HTR5A: variants seen among roughly 807,000 people sequenced by gnomAD.
HTR5A encodes 5-hydroxytryptamine receptor 5A.
In HTR5A, 21 loss-of-function variants were observed where a neutral mutation model predicts 24.3. The ratio of observed to expected loss-of-function variants is 0.86; its 90% CI spans 0.61 to 1.24. HTR5A has a LOEUF of 1.24. Ranked by LOEUF, HTR5A falls within the 50% of genes most tolerant of loss-of-function variation. The probability of loss-of-function intolerance (pLI) is 0.00; values close to 1 mark genes in which losing one functional copy is unlikely to be tolerated. For missense variants in HTR5A, 497 were observed against 489.5 expected (o/e 1.02, Z -0.15); for synonymous variants, 260 against 213.7 (o/e 1.22, Z -1.89).
Position 155,085,676 on chromosome 7 carries a change from A to G in HTR5A, c.*1189A>G, listed in dbSNP as rs1016173162. 1.3e-5 allele frequency: 2 copies of G among 152,222 alleles called. No homozygotes were observed. Among genetic ancestry groups the G allele is most frequent in the Non-Finnish European group, 1.5e-5 (1 of 68,042 alleles). 9.4% of individuals were successfully genotyped at this position (152,222 alleles called of 1,614,324 possible). ...AAAACTTAAAAAAAAATCCTAGGCA[A>G]TAAAACTGCCTGTGGTCTGCTATGT... is the stretch of plus-strand genomic sequence containing the variant. On this transcript the variant is annotated 3_prime_UTR_variant, in exon 2 of 2. Transcript: ENST00000287907.
intron 1 of HTR5A, among the ~76,000 whole-genome samples, chr7:155,081,004 T>G (rs932591811): frequency 6.6e-6 from 1 of 152,216 alleles, no homozygotes; most frequent in African/African-American, 2.4e-5. Context: ...TCATCCTTGA[T>G]TGACTGAAGA....
chr7:155,084,331 C>A lies in HTR5A; in HGVS notation c.918C>A (p.Leu306=), dbSNP rs1795451578. Residue 306 remains leucine, a synonymous_variant, in exon 2 of 2, where the codon CTC becomes CTA. Coordinates refer to ENST00000287907, the MANE Select transcript of HTR5A (RefSeq NM_024012.4). ...LCWIPFFLTE[L]ISPLCSCDIP... is the part of the protein sequence containing the mutation. ...GGATCCCCTTCTTTCTCACCGAGCT[C>A]ATCAGTCCCCTCTGCTCCTGTGACA... The A allele has an allele frequency of 6.2e-7, 1 of 1,614,042 alleles. No homozygotes were observed. The highest frequency in any genetic ancestry group is 1.1e-5 in the South Asian group (1 of 91,080).
intron 1 of HTR5A, among the ~76,000 whole-genome samples, chr7:155,073,877 G>GTTTATATATATATATGTGTGTA (rs1210393368): frequency 2.5e-4 from 2 of 8,008 alleles, no homozygotes; most frequent in Admixed American, 2.7e-3. Context: ...ATATATATAT[G>GTTTATATATATATATGTGTGTA]TATATATATA....
rs200887444 is a variant in HTR5A, at chr7:155,071,065, G to T, written c.166G>T (p.Ala56Ser). The change falls in exon 1 of 2, where the codon GCC becomes TCC. Residue 56 changes from alanine (A) to serine (S), a missense_variant. Ala to Ser is a moderately conservative substitution (Grantham distance 99). Coordinates refer to ENST00000287907, the MANE Select transcript of HTR5A (RefSeq NM_024012.4). The stretch of plus-strand genomic sequence containing the variant: ...GGGCTTTCTGGTGGCGGCGACGTTC[G>T]CCTGGAACCTGCTGGTGCTGGCGAC... The part of the protein sequence containing the change: ...LLGFLVAATF[A>S]WNLLVLATIL... The T allele has an allele frequency of 9.8e-5, 158 of 1,609,398 alleles. No homozygotes were observed. Among genetic ancestry groups the T allele is most frequent in the Non-Finnish European group, 2.7e-5 (32 of 1,180,024 alleles).
intron 1 of HTR5A, among the ~76,000 whole-genome samples, chr7:155,081,327 G>T (rs77606733): frequency 0.019 from 2,929 of 152,218 alleles, 54 homozygotes; most frequent in Non-Finnish European, 0.029. Flanking sequence ...AAGCAGAGTG[G>T]TTGGATGAAA....
intron 1 of HTR5A, among the ~76,000 whole-genome samples, chr7:155,076,829 G>A (rs1323988705): frequency 6.6e-6 from 1 of 152,218 alleles, no homozygotes; most frequent in African/African-American, 2.4e-5. Context: ...TTCTGAAGAT[G>A]TGTTGACTAG....
Position 155,084,140 on chromosome 7 carries a change from G to C in HTR5A, c.742-15G>C. The C allele has an allele frequency of 6.4e-7, 1 of 1,573,840 alleles. No individual in the cohort carries two copies. The highest frequency in any genetic ancestry group is 1.3e-5 in the African/African-American group (1 of 74,254). ...TGAGGTGGCTCCTCATAAAGCTCCTGCTTGTCTTTTACAGGTGAAGGACTC... is the reference window on the plus strand; with the variant it reads ...TGAGGTGGCTCCTCATAAAGCTCCTCCTTGTCTTTTACAGGTGAAGGACTC... On this transcript the variant is annotated splice_polypyrimidine_tract_variant and intron_variant, in intron 1 of 1. Coordinates refer to ENST00000287907, the MANE Select transcript of HTR5A (RefSeq NM_024012.4).
intron 1 of HTR5A, among the ~76,000 whole-genome samples, chr7:155,075,682 C>A (rs1244132455): frequency 6.6e-6 from 1 of 152,122 alleles, no homozygotes; most frequent in Non-Finnish European, 1.5e-5. Flanking sequence ...AATCCAGGTA[C>A]AACAAGAAAT....
chr7:155,078,257 G>A (rs755274854), intron 1 of HTR5A, among the ~76,000 whole-genome samples: 10 of 151,928 alleles, frequency 6.6e-5, no homozygotes, highest in Non-Finnish European at 1.3e-4. Context: ...GCCCCATATT[G>A]GATATTTTGC....
chr7:155,074,934 A>C (rs1795344784), intron 1 of HTR5A, among the ~76,000 whole-genome samples: 1 of 152,206 alleles, frequency 6.6e-6, no homozygotes. Flanking sequence ...CCTTCATGTC[A>C]AGAGGTTTGA....
intron 1 of HTR5A, chr7:155,077,306 A>T (rs1310493215): frequency 6.6e-6 from 1 of 152,198 alleles, no homozygotes; most frequent in Admixed American, 6.5e-5. Flanking sequence ...GGCACACAGA[A>T]TTGTTAAAGA....
chr7:155,073,891 A>ATATATATATACG (rs1563419584), intron 1 of HTR5A, among the ~76,000 whole-genome samples: 7 of 4,590 alleles, frequency 1.5e-3, no homozygotes, highest in African/African-American at 2.0e-3. Context: ...ATATATATGT[A>ATATATATATACG]TATATATATA....
In HTR5A at chr7:155,071,367, C is replaced by T; in HGVS notation, c.468C>T (p.Cys156=). 9 of 1,613,958 alleles carry T rather than the reference C, an allele frequency of 5.6e-6. No homozygotes were observed. Among genetic ancestry groups the T allele is most frequent in the Non-Finnish European group, 7.6e-6 (9 of 1,180,042 alleles). ...AATACACGCTCCGCACCCGCAAGTG[C>T]GTCTCCAACGTCATGATCGCGCTCA... is the stretch of plus-strand genomic sequence containing the variant. The part of the protein sequence containing the change: ...HMEYTLRTRK[C]VSNVMIALTW... The change falls in exon 1 of 2, where the codon TGC becomes TGT. Residue 156 remains cysteine (C), a synonymous_variant. Transcript: ENST00000287907.
At position 155,071,354 on chromosome 7, in the gene HTR5A, G is replaced by A. The variant is rs1795291704; in HGVS notation, c.455G>A (p.Arg152His). The A allele has an allele frequency of 6.2e-7, 1 of 1,613,690 alleles. No individual in the cohort carries two copies. Among genetic ancestry groups the A allele is most frequent in the South Asian group, 1.1e-5 (1 of 91,084 alleles). ...SITRHMEYTL[R>H]TRKCVSNVMI... is the part of the protein sequence containing the mutation. ...ACGCGCCACATGGAATACACGCTCC[G>A]CACCCGCAAGTGCGTCTCCAACGTC... The change falls in exon 1 of 2, where the codon CGC (arginine) becomes CAC (histidine). Residue 152 changes from arginine (R) to histidine (H), a missense_variant. Coordinates refer to ENST00000287907, the MANE Select transcript of HTR5A (RefSeq NM_024012.4).
rs553206795 is a variant in HTR5A at position 155,081,120 on chromosome 7, T to C, written c.742-3035T>C. On this transcript the variant is annotated intron_variant, in intron 1 of 1. Coordinates refer to ENST00000287907, the MANE Select transcript of HTR5A (RefSeq NM_024012.4). ...CATACCCTCGTGGAGGCTTCCTTGA[T>C]GTGTAAGGCCATTTTTAGCTTAAAC... 6.6e-5 allele frequency among the ~76,000 whole-genome samples: 10 copies of C among 152,332 alleles called. No homozygotes were observed. The South Asian group carries it at 8.3e-4, about 13-fold the overall frequency.
chr7:155,070,435 T>G lies in HTR5A; in HGVS notation c.-465T>G. On this transcript the variant is annotated 5_prime_UTR_variant, in exon 1 of 2. Transcript: ENST00000287907. ...AAAACTGGCTTCCCTAGCACGGAGT[T>G]AAGGCTGCAGCCGGCTGCCTAGAGA... is the stretch of plus-strand genomic sequence containing the variant. The G allele has an allele frequency of 2.2e-6, 1 of 444,778 alleles. No individual in the cohort carries two copies. Among genetic ancestry groups the G allele is most frequent in the Non-Finnish European group, 4.5e-6 (1 of 222,842 alleles). 27.6% of individuals were successfully genotyped at this position (444,778 alleles called of 1,614,324 possible).
Position 155,070,812 on chromosome 7 carries a change from T to C in HTR5A, c.-88T>C. 1 of 1,385,272 alleles carries C rather than the reference T, an allele frequency of 7.2e-7. No individual in the cohort carries two copies. Among genetic ancestry groups the C allele is most frequent in the African/African-American group, 1.4e-5 (1 of 69,606 alleles). 85.8% of individuals were successfully genotyped at this position (1,385,272 alleles called of 1,614,324 possible). On this transcript the variant is annotated 5_prime_UTR_variant, in exon 1 of 2. Coordinates refer to ENST00000287907, the MANE Select transcript of HTR5A (RefSeq NM_024012.4). ...CCCCACTGGCCAGAGGTTGCAAACA[T>C]CCGGATTGGCTCTGGGCACAGTGGC...
intron 1 of HTR5A, among the ~76,000 whole-genome samples, chr7:155,073,253 G>A (rs1482680355): frequency 6.7e-6 from 1 of 149,400 alleles, no homozygotes; most frequent in Non-Finnish European, 1.5e-5. Context: ...CCCGGGAGGC[G>A]GAGCTGGCAG....
intron 1 of HTR5A, chr7:155,074,758 A>C (rs972105664): frequency 6.6e-6 from 1 of 152,218 alleles, no homozygotes; most frequent in Non-Finnish European, 1.5e-5. Flanking sequence ...ATGATACTGA[A>C]GCTATTCATA....
Sources: gnomAD v4.1 joint callset for allele counts (sites outside exome capture counted in the v4.1 genomes callset) on GRCh38, gnomAD v4.1.1 for gene constraint, MANE v1.5 for transcripts, NCBI Gene and HGNC (gene_info 2026-07-23, HGNC 2026-07-21) for gene names.